BUB1: variants seen among roughly 807,000 people sequenced by gnomAD.
BUB1 encodes the protein BUB1 mitotic checkpoint serine/threonine kinase.
In BUB1, 84 loss-of-function variants were observed where a neutral mutation model predicts 135.2. The ratio of observed to expected loss-of-function variants is 0.62; its 90% confidence interval spans 0.52 to 0.74. The LOEUF (loss-of-function observed/expected upper bound fraction) is 0.74, where lower values mean the gene tolerates loss of function less well. Among genes scored for constraint, BUB1 ranks in the 30% least tolerant of loss-of-function variants. The pLI, the probability that BUB1 is intolerant of heterozygous loss-of-function variation, is 0.00. For missense variants in BUB1, 1,162 were observed against 1,288.3 expected (o/e 0.90, Z 1.50); for synonymous variants, 403 against 434.4 (o/e 0.93, Z 0.90).
chr2:110,640,112 A>C (rs1689463984), intron 23 of BUB1, among the ~76,000 whole-genome samples: 1 of 152,150 alleles, frequency 6.6e-6, no homozygotes, highest in African/African-American at 2.4e-5. Context: ...ACAGAGGACA[A>C]ACACAACACT....
chr2:110,641,264 G>A (rs780929178), intron 22 of BUB1, 43 bp downstream of exon 22: 7 of 1,585,212 alleles, frequency 4.4e-6, no homozygotes, highest in South Asian at 1.2e-5. Flanking sequence ...AGGCTGCTAT[G>A]GAAATAGGAA....
intron 18 of BUB1, 64 bp from the exon 19 acceptor site, chr2:110,649,441 A>C: frequency 7.1e-7 from 1 of 1,416,930 alleles, no homozygotes; most frequent in South Asian, 1.5e-5. Flanking sequence ...AACTTTACCA[A>C]ATAAATTATA....
chr2:110,647,615 GA>G (rs1425719692), intron 19 of BUB1, among the ~76,000 whole-genome samples: 1 of 151,376 alleles, frequency 6.6e-6, no homozygotes, highest in Non-Finnish European at 1.5e-5. Context: ...ACTTGACAAA[GA>G]ACATTTACAA....
At chr2:110,656,270 G>A (rs1013594297) in intron 15 of BUB1, among the ~76,000 whole-genome samples, 1 of 152,126 alleles carries the variant, frequency 6.6e-6, no homozygotes, top group African/African-American at 2.4e-5. Flanking sequence ...TGGCACATTT[G>A]TAAAAATGAA....
chr2:110,642,009 C>T, intron 20 of BUB1, 110 bp downstream of exon 20: 2 of 996,066 alleles, frequency 2.0e-6, no homozygotes, highest in Non-Finnish European at 2.9e-6. Flanking sequence ...TAATTGCCAA[C>T]TGTAGATATA....
intron 17 of BUB1, among the ~76,000 whole-genome samples, chr2:110,653,136 T>C (rs188671008): frequency 6.6e-5 from 10 of 152,320 alleles, no homozygotes; most frequent in African/African-American, 2.4e-4. Flanking sequence ...CCCAAGACCT[T>C]GACAGTTTTG....
rs757611124 is a variant in BUB1 at position 110,649,194 on chromosome 2, A to G, written c.2347+40T>C. 3 of 1,579,200 alleles carry G rather than the reference A, an allele frequency of 1.9e-6. No homozygotes were observed. The Middle Eastern group carries it at 5.4e-4, about 287-fold the overall frequency. ...ACGTTACCATCAACTTCTCATAGAGAAACAAGAATTTAAAGTTATATTATC... is the reference window on the plus strand; with the variant it reads ...ACGTTACCATCAACTTCTCATAGAGGAACAAGAATTTAAAGTTATATTATC... On this transcript the variant is annotated intron_variant, in intron 19 of 24. Coordinates refer to ENST00000302759, the MANE Select transcript of BUB1 (RefSeq NM_004336.5).
intron 17 of BUB1, 84 bp from the exon 18 acceptor site, chr2:110,650,868 A>C: frequency 8.4e-5 from 108 of 1,287,452 alleles, no homozygotes; most frequent in Non-Finnish European, 1.1e-4. Flanking sequence ...TTCCCTTCTC[A>C]TTCTAGAAAT....
rs1475826804 is a variant in BUB1, at chr2:110,650,753, A to C, written c.1996T>G (p.Leu666Val). ...PIQEKSPKQA[L>V]SSHMYSASLL... ...GATGCTGAATACATGTGAGACGACAAGGCCTGTTTTGGGCTTTTCTCTTGA... is the reference window on the plus strand; with the variant it reads ...GATGCTGAATACATGTGAGACGACACGGCCTGTTTTGGGCTTTTCTCTTGA... The change falls in exon 18 of 25, where the codon TTG becomes GTG. Residue 666 changes from leucine (L) to valine (V), a missense_variant. Coordinates refer to ENST00000302759, the MANE Select transcript of BUB1 (RefSeq NM_004336.5). 1.2e-6 allele frequency: 2 copies of C among 1,613,914 alleles called. No homozygotes were observed. Among genetic ancestry groups the C allele is most frequent in the Non-Finnish European group, 1.7e-6 (2 of 1,179,950 alleles).
intron 16 of BUB1, among the ~76,000 whole-genome samples, chr2:110,655,016 G>C (rs1446790498): frequency 6.6e-6 from 1 of 152,180 alleles, no homozygotes; most frequent in Non-Finnish European, 1.5e-5. Flanking sequence ...GGGGTTCCTG[G>C]AACCAATCCT....
chr2:110,643,511 T>C (rs1689559806), intron 19 of BUB1, among the ~76,000 whole-genome samples: 1 of 152,188 alleles, frequency 6.6e-6, no homozygotes, highest in African/African-American at 2.4e-5. Context: ...AGCTCATATA[T>C]TAGGTCTGGC....
At chr2:110,667,487 A>T in intron 8 of BUB1, 34 bp downstream of exon 8, 7 of 1,570,920 alleles carry the variant, frequency 4.5e-6, no homozygotes, top group Non-Finnish European at 6.0e-6. Flanking sequence ...TTTATGTGAC[A>T]TAAGAATAAC....
At chr2:110,642,608 A>G (rs1689534744) in intron 19 of BUB1, 2 of 154,118 alleles carry the variant, frequency 1.3e-5, no homozygotes, top group South Asian at 2.0e-4. Flanking sequence ...ATGGCCCTCA[A>G]ATTGGGTTTG....
intron 16 of BUB1, among the ~76,000 whole-genome samples, chr2:110,654,377 G>T (rs1009094627): frequency 2.0e-5 from 3 of 152,022 alleles, no homozygotes; most frequent in African/African-American, 7.2e-5. Flanking sequence ...TCTATAGATA[G>T]GTAAACTAGG....
intron 1 of BUB1, 38 bp downstream of exon 1, chr2:110,677,931 GC>G: frequency 6.3e-7 from 1 of 1,597,456 alleles, no homozygotes; most frequent in Admixed American, 1.7e-5. Context: ...AGGCGCCCCA[GC>G]CCCCTGGGCT....
intron 5 of BUB1, among the ~76,000 whole-genome samples, chr2:110,669,960 C>T (rs974088225): frequency 3.3e-5 from 5 of 151,646 alleles, no homozygotes; most frequent in African/African-American, 1.2e-4. Context: ...AAAAAAAAAT[C>T]CTACAAATAC....
chr2:110,672,747 T>C lies in BUB1; in HGVS notation c.336A>G (p.Gln112=), dbSNP rs142150972. Residue 112 remains glutamine, a synonymous_variant, in exon 4 of 25, where the codon CAA becomes CAG. Transcript: ENST00000302759. The part of the protein sequence containing the change: ...YIAWAGHLEA[Q]GELQHASAVL... ...CAGCACTGGCATGCTGCAGCTCTCC[T>C]TGGGCTTCCAGATGCCCCGCCCAGG... 4 of 1,614,178 alleles carry C rather than the reference T, an allele frequency of 2.5e-6. No individual in the cohort carries two copies. The highest frequency in any genetic ancestry group is 3.4e-6 in the Non-Finnish European group (4 of 1,180,026).
chr2:110,640,567 G>C (rs1689476040), intron 23 of BUB1, among the ~76,000 whole-genome samples: 1 of 152,136 alleles, frequency 6.6e-6, no homozygotes, highest in Non-Finnish European at 1.5e-5. Context: ...TAGGAATCTG[G>C]CTGTACCATC....
At chr2:110,666,475 C>A in intron 8 of BUB1, 61 bp from the exon 9 acceptor site, 3 of 1,226,036 alleles carry the variant, frequency 2.4e-6, no homozygotes, top group Non-Finnish European at 2.1e-6. Context: ...CATAGGAATA[C>A]ATGCAAAATG....
Sources: allele counts gnomAD v4.1 joint callset (sites outside exome capture counted in the v4.1 genomes callset), GRCh38; gene constraint gnomAD v4.1.1; transcripts MANE v1.5; gene names NCBI Gene and HGNC (gene_info 2026-07-23, HGNC 2026-07-21).